The following DLGAP1 variants were observed in gnomAD, a reference collection of about 807,000 sequenced individuals.
The protein encoded by DLGAP1 is DLG associated protein 1.
DLGAP1 carries 11 observed loss-of-function variants against 90.8 expected under a neutral mutation model. The observed-to-expected ratio is 0.12, with a 90% CI of 0.08 to 0.20. The LOEUF is 0.20. DLGAP1 is among the 10% of genes least tolerant of loss of function. The pLI is 1.00. For missense variants in DLGAP1, 1,050 were observed against 1,333.8 expected, an observed-to-expected ratio of 0.79 and a Z score of 3.31; for synonymous variants, 558 against 540.7, an observed-to-expected ratio of 1.03 and a Z score of -0.44.
intron 7 of DLGAP1, among the ~76,000 whole-genome samples, chr18:3,649,643 T>C (rs1339595177): frequency 6.6e-6 from 1 of 152,154 alleles, no homozygotes; most frequent in Non-Finnish European, 1.5e-5. Context: ...CTGAGGCAAA[T>C]AGCGGCTCCT....
intron 7 of DLGAP1, among the ~76,000 whole-genome samples, chr18:3,650,567 C>G (rs1366141534): frequency 6.6e-6 from 1 of 152,196 alleles, no homozygotes; most frequent in Admixed American, 6.5e-5. Context: ...CCAGCCTCCA[C>G]GTCATTTTTA....
Position 3,897,894 on chromosome 18 carries a change from A to G in DLGAP1, c.-72-17754T>C, listed in dbSNP as rs557404444. On this transcript the variant is annotated intron_variant, in intron 3 of 12. Coordinates refer to ENST00000315677, the MANE Select transcript of DLGAP1 (RefSeq NM_004746.4). The stretch of plus-strand genomic sequence containing the variant: ...ACTGCAAGCTCCGCTTCCCGGGTTC[A>G]CGCCATTCTCCTGCCTCAGCCTCCC... 3.6e-3 allele frequency among the ~76,000 whole-genome samples: 524 copies of G among 144,078 alleles called. 4 individuals carry two copies. Among genetic ancestry groups the G allele is most frequent in the African/African-American group, 0.013 (487 of 38,362 alleles). 94.5% of individuals were successfully genotyped at this position (144,078 alleles called of 152,430 possible).
intron 6 of DLGAP1, among the ~76,000 whole-genome samples, chr18:3,741,115 CCACCAT>C (rs1568048566): frequency 1.1e-5 from 1 of 92,554 alleles, no homozygotes; most frequent in African/African-American, 4.8e-5. Context: ...ACCATCACCA[CCACCAT>C]CACCACCACC....
rs779664567 is a variant in DLGAP1 at position 3,581,864 on chromosome 18, G to A, written c.1965+11C>T. 6.2e-7 allele frequency: 1 copy of A among 1,611,524 alleles called. No homozygotes were observed. The highest frequency in any genetic ancestry group is 8.5e-7 in the Non-Finnish European group (1 of 1,177,878). Reference sequence around the variant, plus strand: ...GTTCCTATTTCAAAGGATAGAAAGGGAGGCTGTTACCTGTATCCCGATAGA... The same window carrying A: ...GTTCCTATTTCAAAGGATAGAAAGGAAGGCTGTTACCTGTATCCCGATAGA... On this transcript the variant is annotated intron_variant, in intron 8 of 12. Transcript: ENST00000315677.
At chr18:3,959,174 G>GT (rs955260452) in intron 3 of DLGAP1, among the ~76,000 whole-genome samples, 17 of 148,886 alleles carry the variant, frequency 1.1e-4, no homozygotes, top group Admixed American at 2.7e-4. Flanking sequence ...AATCGCCTCA[G>GT]TTTTTTTTTT....
intron 1 of DLGAP1, among the ~76,000 whole-genome samples, chr18:4,216,289 T>C (rs1019538195): frequency 2.2e-5 from 2 of 91,182 alleles, no homozygotes; most frequent in Non-Finnish European, 2.4e-5. Context: ...CGTGATTAAA[T>C]TACCCCCCCC....
At chr18:4,274,380 G>A (rs1317094568) in intron 1 of DLGAP1, among the ~76,000 whole-genome samples, 1 of 151,992 alleles carries the variant, frequency 6.6e-6, no homozygotes, top group Non-Finnish European at 1.5e-5. Context: ...AATGTACTTT[G>A]TATTATTTCT....
intron 1 of DLGAP1, among the ~76,000 whole-genome samples, chr18:4,191,899 G>A (rs953386464): frequency 4.5e-4 from 69 of 152,130 alleles, no homozygotes; most frequent in African/African-American, 1.5e-3. Flanking sequence ...TGCACACAAT[G>A]TATATCTGTC....
At chr18:4,325,488 T>C (rs1014294739) in intron 1 of DLGAP1, among the ~76,000 whole-genome samples, 3 of 152,070 alleles carry the variant, frequency 2.0e-5, no homozygotes, top group African/African-American at 7.2e-5. Context: ...ATGACATTCT[T>C]CACACAACTA....
At chr18:3,546,495 C>T (rs527444607) in intron 9 of DLGAP1, among the ~76,000 whole-genome samples, 137 of 150,712 alleles carry the variant, frequency 9.1e-4, no homozygotes, top group African/African-American at 3.3e-3. Context: ...TATATTTTGG[C>T]CCAAAAAACA....
intron 3 of DLGAP1, among the ~76,000 whole-genome samples, chr18:3,976,190 A>G (rs1396385219): frequency 2.3e-5 from 3 of 133,084 alleles, no homozygotes; most frequent in African/African-American, 8.1e-5. Flanking sequence ...TACTAAAAAT[A>G]CAATAATAAT....
In DLGAP1 at chr18:4,084,102, C is replaced by T. The variant is rs1279646677; in HGVS notation, c.-159+67078G>A. Among the ~76,000 whole-genome samples the T allele has an allele frequency of 6.6e-6, 1 of 152,038 alleles. No individual in the cohort carries two copies. The highest frequency in any genetic ancestry group is 2.4e-5 in the African/African-American group (1 of 41,404). ...CTCCCAAAACCCTTAAAAATCCTAG[C>T]CCCCAAACTCCTCAAAAAGATGGAC... On this transcript the variant is annotated intron_variant, in intron 2 of 12. Transcript: ENST00000315677. The surrounding 1 kb of genome is among the most constrained non-coding windows in gnomAD (Gnocchi z 4.0).
At chr18:4,179,179 T>C (rs1170305078) in intron 1 of DLGAP1, among the ~76,000 whole-genome samples, 1 of 152,206 alleles carries the variant, frequency 6.6e-6, no homozygotes, top group Non-Finnish European at 1.5e-5. Context: ...GATAAGTCTG[T>C]ACCTCTTTTT....
chr18:4,154,544 G>A (rs936890070), intron 1 of DLGAP1, among the ~76,000 whole-genome samples: 3 of 151,884 alleles, frequency 2.0e-5, no homozygotes, highest in African/African-American at 4.9e-5. Context: ...CTGAGAGTGC[G>A]GAGAAGGAAG....
chr18:4,087,040 T>TATATATAC lies in DLGAP1; in HGVS notation c.-159+64139_-159+64140insGTATATAT, dbSNP rs764192120. 4.8e-5 allele frequency among the ~76,000 whole-genome samples: 5 copies of TATATATAC among 103,604 alleles called. No individual in the cohort carries two copies. In the South Asian group the frequency reaches 8.5e-4, roughly 18 times the overall value. 68.0% of individuals were successfully genotyped at this position (103,604 alleles called of 152,430 possible). A position where few individuals can be genotyped will look rare whatever the true frequency, so the allele number is the denominator to read the frequency against. ...CTACCTTGTCTGAGATATATATATA[T>TATATATAC]ACACAAACACATATATATATACACA... On this transcript the variant is annotated intron_variant, in intron 2 of 12. Coordinates refer to ENST00000315677, the MANE Select transcript of DLGAP1 (RefSeq NM_004746.4).
At chr18:3,641,584 T>TACACACACACAC (rs1381099647) in intron 7 of DLGAP1, among the ~76,000 whole-genome samples, 5 of 125,174 alleles carry the variant, frequency 4.0e-5, no homozygotes, top group African/African-American at 1.6e-4. Flanking sequence ...CACATATATA[T>TACACACACACAC]ATACACACAC....
At chr18:3,570,176 C>T (rs1175962583) in intron 8 of DLGAP1, among the ~76,000 whole-genome samples, 1 of 152,082 alleles carries the variant, frequency 6.6e-6, no homozygotes, top group Admixed American at 6.5e-5. Context: ...CCTAATAACA[C>T]ATTTTCCCAG....
intron 5 of DLGAP1, among the ~76,000 whole-genome samples, chr18:3,765,726 C>A (rs1372327007): frequency 1.3e-5 from 2 of 151,746 alleles, no homozygotes; most frequent in African/African-American, 4.8e-5. Context: ...TCCAGCTACT[C>A]AGGAGGCTGA....
Position 4,335,774 on chromosome 18 carries a change from G to A in DLGAP1, c.-267+119232C>T, listed in dbSNP as rs898507630. On this transcript the variant is annotated intron_variant, in intron 1 of 12. Transcript: ENST00000315677. Reference sequence around the variant, plus strand: ...TATTCTAAAATGTTTGGTGCAAAATGTGTTTTAAAGGAGCAATCAGCAATG... The same window carrying A: ...TATTCTAAAATGTTTGGTGCAAAATATGTTTTAAAGGAGCAATCAGCAATG... Among the ~76,000 whole-genome samples the A allele has an allele frequency of 8.5e-5, 13 of 152,184 alleles. 1 individual carries two copies. Among genetic ancestry groups the A allele is most frequent in the South Asian group, 4.1e-4 (2 of 4,820 alleles).
Sources: allele counts gnomAD v4.1 joint callset (sites outside exome capture counted in the v4.1 genomes callset), GRCh38; gene constraint gnomAD v4.1.1; non-coding constraint Gnocchi (gnomAD v3.1); transcripts MANE v1.5; gene names NCBI Gene and HGNC (gene_info 2026-07-23, HGNC 2026-07-21).